ZNF624: variants seen among roughly 807,000 people sequenced by gnomAD.
ZNF624 encodes the protein zinc finger protein 624.
Under a neutral mutation model 74.7 loss-of-function variants are expected in ZNF624, and 43 were observed. That is an observed-to-expected ratio of 0.58 (90% CI 0.45 to 0.74). ZNF624 has a LOEUF of 0.74. ZNF624 is among the 30% of genes least tolerant of loss of function. The pLI, the probability that ZNF624 is intolerant of heterozygous loss-of-function variation, is 0.00. For synonymous variants in ZNF624, 331 were observed against 341.3 expected (o/e 0.97, Z 0.33); for missense variants, 820 against 1,030.0 (o/e 0.80, Z 2.79).
chr17:16,642,579 G>C (rs1364281770), intron 3 of ZNF624, among the ~76,000 whole-genome samples: 1 of 152,144 alleles, frequency 6.6e-6, no homozygotes. Context: ...AGGAAAGACA[G>C]AGGAACATCT....
At chr17:16,641,036 T>C (rs370776522) in intron 3 of ZNF624, among the ~76,000 whole-genome samples, 15 of 152,300 alleles carry the variant, frequency 9.8e-5, no homozygotes, top group Admixed American at 8.5e-4. Context: ...ACAAGGTTTA[T>C]GTAATATCAA....
intron 5 of ZNF624, among the ~76,000 whole-genome samples, chr17:16,626,422 G>A (rs574994550): frequency 1.3e-5 from 2 of 150,194 alleles, no homozygotes; most frequent in South Asian, 4.2e-4. Context: ...ATATTATATT[G>A]CCAGTATCTG....
In ZNF624 at chr17:16,623,532, A is replaced by G; in HGVS notation, c.1354T>C (p.Ser452Pro). ...TTAAAAATTGTGGTATTCTTAAAAGACTTCCCACACTCGTTGCACTGATAT... is the reference window on the plus strand; with the variant it reads ...TTAAAAATTGTGGTATTCTTAAAAGGCTTCCCACACTCGTTGCACTGATAT... ...KPYQCNECGKSFKNTTIFNVH... is the reference protein window; with the variant it reads ...KPYQCNECGKPFKNTTIFNVH... The change falls in exon 6 of 6, where the codon TCT (serine) becomes CCT (proline). Residue 452 changes from serine (S) to proline (P), a missense_variant. Ser to Pro is a moderately conservative substitution (Grantham distance 74). Transcript: ENST00000311331. The surrounding 1 kb of genome is among the most constrained non-coding windows in gnomAD (Gnocchi z 5.3). 6.2e-7 allele frequency: 1 copy of G among 1,609,892 alleles called. No homozygotes were observed. The highest frequency in any genetic ancestry group is 2.2e-5 in the East Asian group (1 of 44,850).
At position 16,621,116 on chromosome 17, in the gene ZNF624, GATT is replaced by G. The variant is rs149439643; in HGVS notation, c.*1169_*1171del. 457 of 152,158 alleles carry G rather than the reference GATT, an allele frequency of 3.0e-3. 3 individuals carry two copies. Among genetic ancestry groups the G allele is most frequent in the African/African-American group, 0.01 (429 of 41,520 alleles). 9.4% of individuals were successfully genotyped at this position (152,158 alleles called of 1,614,324 possible). A position where few individuals can be genotyped will look rare whatever the true frequency, so the allele number is the denominator to read the frequency against. ...ACATAAACACAAAATAAATGGGTGT[GATT>G]ATTTTAACAAAAATGATATATTGTA... is the stretch of plus-strand genomic sequence containing the variant. On this transcript the variant is annotated 3_prime_UTR_variant, in exon 6 of 6. Coordinates refer to ENST00000311331, the MANE Select transcript of ZNF624 (RefSeq NM_020787.4).
intron 3 of ZNF624, among the ~76,000 whole-genome samples, chr17:16,636,062 G>A (rs1909322811): frequency 6.6e-6 from 1 of 152,072 alleles, no homozygotes; most frequent in Non-Finnish European, 1.5e-5. Context: ...GACTACTAGG[G>A]TCATATCTAA....
At chr17:16,648,114 C>G (rs1398612240) in intron 2 of ZNF624, among the ~76,000 whole-genome samples, 1 of 145,778 alleles carries the variant, frequency 6.9e-6, no homozygotes. Flanking sequence ...TTTTTGTACT[C>G]TTTTTTTTTT....
At chr17:16,653,183 G>A (rs997654027) in intron 1 of ZNF624, among the ~76,000 whole-genome samples, 2 of 152,242 alleles carry the variant, frequency 1.3e-5, no homozygotes, top group African/African-American at 4.8e-5. Flanking sequence ...ATGTCAGGGA[G>A]TGACAAGTGA....
intron 3 of ZNF624, among the ~76,000 whole-genome samples, chr17:16,636,075 C>T (rs1909323457): frequency 6.6e-6 from 1 of 152,080 alleles, no homozygotes; most frequent in Admixed American, 6.5e-5. Flanking sequence ...ATATCTAAGA[C>T]ACAGGAGACA....
At chr17:16,637,590 A>T (rs149979436) in intron 3 of ZNF624, among the ~76,000 whole-genome samples, 5,592 of 152,264 alleles carry the variant, frequency 0.037, 336 homozygotes, top group African/African-American at 0.13. Context: ...GATCTTTGAC[A>T]AACCTGACAA....
intron 2 of ZNF624, among the ~76,000 whole-genome samples, chr17:16,648,970 C>T (rs1909656961): frequency 6.6e-6 from 1 of 152,160 alleles, no homozygotes; most frequent in South Asian, 2.1e-4. Flanking sequence ...TAATTCAGTA[C>T]CAGCTTAAAT....
chr17:16,643,692 A>C (rs1356868386), intron 3 of ZNF624, among the ~76,000 whole-genome samples: 1 of 151,406 alleles, frequency 6.6e-6, no homozygotes, highest in Non-Finnish European at 1.5e-5. Flanking sequence ...GTAAAGTGTC[A>C]TTAAAAATAC....
At chr17:16,636,566 G>A (rs757847789) in intron 3 of ZNF624, among the ~76,000 whole-genome samples, 1 of 152,188 alleles carries the variant, frequency 6.6e-6, no homozygotes, top group African/African-American at 2.4e-5. Flanking sequence ...GCCGGGCGCC[G>A]TGGCTCATGC....
At chr17:16,640,880 A>C (rs1445216616) in intron 3 of ZNF624, among the ~76,000 whole-genome samples, 1 of 152,144 alleles carries the variant, frequency 6.6e-6, no homozygotes, top group Non-Finnish European at 1.5e-5. Context: ...TATTACCAAA[A>C]CTAGACAAAG....
chr17:16,617,675 G>C, downstream of ZNF624: 5 of 1,606,234 alleles, frequency 3.1e-6, no homozygotes, highest in Non-Finnish European at 4.3e-6. Context: ...GGCCCCGGGC[G>C]TGCTCTACGA....
chr17:16,648,000 A>T (rs1278211961), intron 2 of ZNF624, among the ~76,000 whole-genome samples: 1 of 151,606 alleles, frequency 6.6e-6, no homozygotes, highest in Non-Finnish European at 1.5e-5. Context: ...CAGTGGGGCG[A>T]TCTTGGCTCA....
rs1350399735 is a variant in ZNF624, at chr17:16,621,845, C to T, written c.*443G>A. 6.6e-6 allele frequency: 1 copy of T among 152,344 alleles called. No individual in the cohort carries two copies. Among genetic ancestry groups the T allele is most frequent in the East Asian group, 1.9e-4 (1 of 5,186 alleles). 9.4% of individuals were successfully genotyped at this position (152,344 alleles called of 1,614,324 possible). A position where few individuals can be genotyped will look rare whatever the true frequency, so the allele number is the denominator to read the frequency against. On this transcript the variant is annotated 3_prime_UTR_variant, in exon 6 of 6. Coordinates refer to ENST00000311331, the MANE Select transcript of ZNF624 (RefSeq NM_020787.4). Reference sequence around the variant, plus strand: ...TAAAAAATCTAAAAAGGAAATGATACAAATATTTTCCTATAAAAATGTTGT... The same window carrying T: ...TAAAAAATCTAAAAAGGAAATGATATAAATATTTTCCTATAAAAATGTTGT...
In ZNF624 at chr17:16,636,987, A is replaced by C. The variant is rs1408805024; in HGVS notation, c.154-2231T>G. Among the ~76,000 whole-genome samples the C allele has an allele frequency of 2.0e-5, 3 of 152,222 alleles. No homozygotes were observed. In the South Asian group the frequency reaches 6.2e-4, roughly 32 times the overall value. On this transcript the variant is annotated intron_variant, in intron 3 of 5. Transcript: ENST00000311331. ...AATCAATAAATGTAATCCAGCATAT[A>C]AACAGAACCAACATAGTGTTGGAAG...
At chr17:16,617,458 T>A (rs1246502283), downstream of ZNF624, 58 of 1,611,218 alleles carry the variant, frequency 3.6e-5, no homozygotes, top group Non-Finnish European at 4.8e-5. Context: ...TCCTTCCTTG[T>A]GGGCATCCGC....
At chr17:16,640,852 C>T (rs1280534305) in intron 3 of ZNF624, among the ~76,000 whole-genome samples, 1 of 152,130 alleles carries the variant, frequency 6.6e-6, no homozygotes, top group Non-Finnish European at 1.5e-5. Flanking sequence ...AAATTCCAAA[C>T]CCACTTTATG....
Sources: gnomAD v4.1 joint callset for allele counts (sites outside exome capture counted in the v4.1 genomes callset) on GRCh38, gnomAD v4.1.1 for gene constraint, Gnocchi (gnomAD v3.1) non-coding constraint, MANE v1.5 for transcripts, NCBI Gene and HGNC (gene_info 2026-07-23, HGNC 2026-07-21) for gene names.